TRAPPC12: variants seen among roughly 807,000 people sequenced by gnomAD.
The protein encoded by TRAPPC12 is TPR repeat protein 15.
TRAPPC12 carries 61 observed loss-of-function variants against 69.2 expected under a neutral mutation model. The observed-to-expected ratio is 0.88, with a 90% CI of 0.72 to 1.09. The LOEUF is 1.09. TRAPPC12 is among the 50% of genes least tolerant of loss of function. The probability of loss-of-function intolerance (pLI) is 0.00; values close to 1 mark genes in which losing one functional copy is unlikely to be tolerated. For synonymous variants in TRAPPC12, 469 were observed against 438.9 expected (o/e 1.07, Z -0.86); for missense variants, 1,101 against 1,016.4 (o/e 1.08, Z -1.13).
At chr2:3,393,113 T>TA (rs11433361) in intron 2 of TRAPPC12, among the ~76,000 whole-genome samples, 21,419 of 150,354 alleles carry the variant, frequency 0.14, 1,770 homozygotes, top group East Asian at 0.39. Context: ...TGTCTCTTTT[T>TA]AAAAAAAAAA....
Position 3,422,093 on chromosome 2 carries a change from T to C in TRAPPC12, c.1278+99T>C, listed in dbSNP as rs974985540. The C allele has an allele frequency of 1.0e-5, 9 of 872,180 alleles. No homozygotes were observed. The African/African-American group carries it at 1.5e-4, about 15-fold the overall frequency. The allele number at this position is 872,180 out of a possible 1,614,324, so 54.0% of individuals were successfully genotyped here. A position where few individuals can be genotyped will look rare whatever the true frequency, so the allele number is the denominator to read the frequency against. Reference sequence around the variant, plus strand: ...TTTCATGCCAATAACAAAAAGTATGTTTTCATATCCTGCTTCTTTCTCTCC... The same window carrying C: ...TTTCATGCCAATAACAAAAAGTATGCTTTCATATCCTGCTTCTTTCTCTCC... On this transcript the variant is annotated intron_variant, in intron 4 of 11. Transcript: ENST00000324266.
chr2:3,450,117 C>T (rs761166971), intron 6 of TRAPPC12, among the ~76,000 whole-genome samples: 2 of 152,150 alleles, frequency 1.3e-5, no homozygotes, highest in Non-Finnish European at 2.9e-5. Context: ...AATCCTGGGA[C>T]ATGGACTTAG....
chr2:3,463,346 G>A (rs1275455828), intron 8 of TRAPPC12, among the ~76,000 whole-genome samples: 1 of 151,786 alleles, frequency 6.6e-6, no homozygotes, highest in Non-Finnish European at 1.5e-5. Flanking sequence ...CACACCTGAG[G>A]GACTGGCGAG....
chr2:3,416,492 C>G, intron 3 of TRAPPC12, among the ~76,000 whole-genome samples: 1 of 145,766 alleles, frequency 6.9e-6, no homozygotes, highest in African/African-American at 2.5e-5. Context: ...ACTGTGCCCT[C>G]CCCCTACCCC....
chr2:3,401,699 G>A, intron 2 of TRAPPC12, 78 bp from the exon 3 acceptor site: 1 of 902,998 alleles, frequency 1.1e-6, no homozygotes, highest in Non-Finnish European at 1.6e-6. Flanking sequence ...AAGAAATTGT[G>A]TTTAGTTATG....
rs200381361 is a variant in TRAPPC12 at position 3,388,356 on chromosome 2, C to T, written c.733C>T (p.Pro245Ser). 15,642 of 1,592,964 alleles carry T rather than the reference C, an allele frequency of 9.8e-3. 108 individuals carry two copies. Among genetic ancestry groups the T allele is most frequent in the Non-Finnish European group, 0.011 (12,698 of 1,171,094 alleles). The change falls in exon 2 of 12, where the codon CCC (proline) becomes TCC (serine). Residue 245 changes from proline (P) to serine (S), a missense_variant. Coordinates refer to ENST00000324266, the MANE Select transcript of TRAPPC12 (RefSeq NM_016030.6). ...CAATCCCGGCGCGGGCTCCCCGGCC[C>T]CCGCCAGCCCGCCTCCCCTCGCTGT... ...VSNPGAGSPAPASPPPLAVPG... is the reference protein window; with the variant it reads ...VSNPGAGSPASASPPPLAVPG...
chr2:3,396,559 C>G (rs1367645703), intron 2 of TRAPPC12, among the ~76,000 whole-genome samples: 1 of 152,058 alleles, frequency 6.6e-6, no homozygotes, highest in Non-Finnish European at 1.5e-5. Flanking sequence ...CTCTCTCCTA[C>G]TTCTGGAAAC....
At chr2:3,409,792 A>G (rs972565051) in intron 3 of TRAPPC12, among the ~76,000 whole-genome samples, 12 of 150,952 alleles carry the variant, frequency 7.9e-5, no homozygotes, top group Non-Finnish European at 1.5e-4. Context: ...GAAGAAATGA[A>G]AAAATCCTGT....
At chr2:3,419,952 C>A (rs972173792) in intron 3 of TRAPPC12, among the ~76,000 whole-genome samples, 7 of 152,248 alleles carry the variant, frequency 4.6e-5, no homozygotes, top group Non-Finnish European at 7.3e-5. Flanking sequence ...AGCTTGGCGG[C>A]CTCCTACAAC....
At chr2:3,402,694 G>A (rs909282714) in intron 3 of TRAPPC12, among the ~76,000 whole-genome samples, 1 of 152,214 alleles carries the variant, frequency 6.6e-6, no homozygotes, top group Admixed American at 6.5e-5. Context: ...AGCTGTAATT[G>A]CGTTGGGTAG....
intron 5 of TRAPPC12, among the ~76,000 whole-genome samples, chr2:3,434,425 C>T (rs1468139061): frequency 2.6e-5 from 4 of 152,188 alleles, no homozygotes. Flanking sequence ...GTTTTTCCTT[C>T]GGATTTTTAT....
rs1298027984 is a variant in TRAPPC12 at position 3,477,749 on chromosome 2, C to G, written c.1831C>G (p.Gln611Glu). Residue 611 changes from glutamine (Q) to glutamate (E), a missense_variant, in exon 10 of 12, where the codon CAG becomes GAG. Gln to Glu is a conservative substitution (Grantham distance 29, BLOSUM62 2). Transcript: ENST00000324266. The part of the protein sequence containing the change: ...KYFQDVEKVT[Q>E]KLDGLQGKIM... ...TTTTCAAGACGTTGAGAAAGTAACACAGAAATTAGATGGACTACAGGGTAA... is the reference window on the plus strand; with the variant it reads ...TTTTCAAGACGTTGAGAAAGTAACAGAGAAATTAGATGGACTACAGGGTAA... 1 of 1,607,684 alleles carries G rather than the reference C, an allele frequency of 6.2e-7. No individual in the cohort carries two copies. The highest frequency in any genetic ancestry group is 8.5e-7 in the Non-Finnish European group (1 of 1,177,534).
chr2:3,424,441 T>A, intron 4 of TRAPPC12, 84 bp from the exon 5 acceptor site: 1 of 1,241,858 alleles, frequency 8.1e-7, no homozygotes. Context: ...GAAATTAACC[T>A]CTAACACCAA....
At position 3,479,505 on chromosome 2, in the gene TRAPPC12, C is replaced by A; in HGVS notation, c.*44C>A. On this transcript the variant is annotated 3_prime_UTR_variant, in exon 12 of 12. Coordinates refer to ENST00000324266, the MANE Select transcript of TRAPPC12 (RefSeq NM_016030.6). ...GTCAGAAGGACCCGGGTCTTTGAAA[C>A]TGTGTCTTGAAGCTAATGTATTAAT... is the stretch of plus-strand genomic sequence containing the variant. The A allele has an allele frequency of 6.2e-7, 1 of 1,602,944 alleles. No individual in the cohort carries two copies. Among genetic ancestry groups the A allele is most frequent in the Non-Finnish European group, 8.5e-7 (1 of 1,174,288 alleles).
At chr2:3,443,296 C>T (rs1204328435) in intron 5 of TRAPPC12, among the ~76,000 whole-genome samples, 2 of 152,256 alleles carry the variant, frequency 1.3e-5, no homozygotes, top group African/African-American at 4.8e-5. Context: ...TGCTCAGTTT[C>T]GCCTCCTCCC....
In TRAPPC12 at chr2:3,479,214, C is replaced by G. The variant is rs1666435484; in HGVS notation, c.1966-5C>G. The stretch of plus-strand genomic sequence containing the variant: ...GGCCAACCCTGGGCGTGTGCTCCTC[C>G]CTAGGCCAACAACAACGCTGCCGTG... On this transcript the variant is annotated splice_polypyrimidine_tract_variant and splice_region_variant and intron_variant, in intron 11 of 11. Transcript: ENST00000324266. The G allele has an allele frequency of 6.2e-7, 1 of 1,612,618 alleles. No individual in the cohort carries two copies. Among genetic ancestry groups the G allele is most frequent in the Non-Finnish European group, 8.5e-7 (1 of 1,179,076 alleles).
chr2:3,479,276 C>T lies in TRAPPC12; in HGVS notation c.2023C>T (p.Arg675Trp), dbSNP rs764884092. Reference protein sequence around the residue: ...LYLGKLKDSLRQLEAMVQQDP... With the variant: ...LYLGKLKDSLWQLEAMVQQDP... ...CCTGGGCAAGCTCAAGGACTCCCTG[C>T]GGCAGCTGGAGGCCATGGTCCAGCA... Residue 675 changes from arginine (R) to tryptophan (W), a missense_variant, in exon 12 of 12, where the codon CGG becomes TGG. Arg to Trp is a moderately radical substitution (Grantham distance 101, BLOSUM62 -3). Transcript: ENST00000324266. 12 of 1,614,142 alleles carry T rather than the reference C, an allele frequency of 7.4e-6. No individual in the cohort carries two copies. The Admixed American group carries it at 8.3e-5, about 11-fold the overall frequency.
chr2:3,457,844 G>A lies in TRAPPC12; in HGVS notation c.1603+151G>A, dbSNP rs944156300. Reference sequence around the variant, plus strand: ...GCATTTGCAACTCACTCCTTTCTTGGGGAAGCCAAGCACATCACTGGGTGA... The same window carrying A: ...GCATTTGCAACTCACTCCTTTCTTGAGGAAGCCAAGCACATCACTGGGTGA... On this transcript the variant is annotated intron_variant, in intron 7 of 11. Coordinates refer to ENST00000324266, the MANE Select transcript of TRAPPC12 (RefSeq NM_016030.6). The A allele has an allele frequency of 2.4e-5, 35 of 1,451,028 alleles. No homozygotes were observed. In the South Asian group the frequency reaches 5.1e-4, roughly 21 times the overall value. 89.9% of individuals were successfully genotyped at this position (1,451,028 alleles called of 1,614,324 possible). A position where few individuals can be genotyped will look rare whatever the true frequency, so the allele number is the denominator to read the frequency against.
chr2:3,463,502 C>T (rs1339418754), intron 8 of TRAPPC12, among the ~76,000 whole-genome samples: 1 of 151,186 alleles, frequency 6.6e-6, no homozygotes, highest in Non-Finnish European at 1.5e-5. Flanking sequence ...TTGGGAAGAG[C>T]CATGCCTAAA....
Sources: gnomAD v4.1 joint callset for allele counts (sites outside exome capture counted in the v4.1 genomes callset) on GRCh38, gnomAD v4.1.1 for gene constraint, MANE v1.5 for transcripts, NCBI Gene and HGNC (gene_info 2026-07-23, HGNC 2026-07-21) for gene names.